FERRY3: variants seen among roughly 807,000 people sequenced by gnomAD.
FERRY3 encodes protein C12orf4.
chr12:4,525,592 C>T, the FERRY3 span: 3 of 1,578,634 alleles, frequency 1.9e-6, no homozygotes, highest in Non-Finnish European at 2.6e-6. Flanking sequence ...GTCTAAAACA[C>T]AAATAAACAA....
the FERRY3 span, among the ~76,000 whole-genome samples, chr12:4,516,349 G>T: frequency 6.6e-6 from 1 of 152,158 alleles, no homozygotes; most frequent in East Asian, 1.9e-4. Flanking sequence ...CAGAGTCCAA[G>T]CTTCTGAAGA....
At chr12:4,524,057 A>G in the FERRY3 span, among the ~76,000 whole-genome samples, 1 of 151,744 alleles carries the variant, frequency 6.6e-6, no homozygotes, top group Non-Finnish European at 1.5e-5. Flanking sequence ...AGAGTTTCTC[A>G]CTCTTGTTAC....
At chr12:4,517,722 G>T in the FERRY3 span, among the ~76,000 whole-genome samples, 11 of 149,056 alleles carry the variant, frequency 7.4e-5, no homozygotes, top group African/African-American at 2.7e-4. Flanking sequence ...GAGAGAGAGA[G>T]AGAGAGAGAG....
chr12:4,488,180 G>T, the FERRY3 span: 2 of 152,130 alleles, frequency 1.3e-5, no homozygotes, highest in African/African-American at 4.8e-5. The surrounding 1 kb of genome is among the most constrained non-coding windows in gnomAD (Gnocchi z 4.9). Flanking sequence ...CCTTTACACA[G>T]CCCTCAGTTA....
the FERRY3 span, among the ~76,000 whole-genome samples, chr12:4,507,487 C>T: frequency 6.2e-3 from 949 of 151,918 alleles, 11 homozygotes; most frequent in African/African-American, 0.022. Flanking sequence ...GCCAATACTA[C>T]GGAAAATTAT....
At chr12:4,508,124 T>C in the FERRY3 span, among the ~76,000 whole-genome samples, 4 of 152,212 alleles carry the variant, frequency 2.6e-5, no homozygotes, top group Non-Finnish European at 5.9e-5. Context: ...AAGTTATGAC[T>C]AGATAGCCAC....
the FERRY3 span, among the ~76,000 whole-genome samples, chr12:4,491,782 G>A: frequency 3.9e-5 from 6 of 152,142 alleles, no homozygotes; most frequent in East Asian, 1.9e-4. Context: ...TGATTAGCGC[G>A]TATGCCATTT....
At chr12:4,534,737 T>G in the FERRY3 span, among the ~76,000 whole-genome samples, 1 of 152,188 alleles carries the variant, frequency 6.6e-6, no homozygotes, top group African/African-American at 2.4e-5. Flanking sequence ...ATACTCTTAA[T>G]AGAATCTCCA....
chr12:4,493,111 C>G, the FERRY3 span, among the ~76,000 whole-genome samples: 1 of 152,124 alleles, frequency 6.6e-6, no homozygotes, highest in Non-Finnish European at 1.5e-5. Flanking sequence ...CTCCTCCATA[C>G]AGTATTTCCT....
chr12:4,502,892 A>C, the FERRY3 span, among the ~76,000 whole-genome samples: 10 of 152,240 alleles, frequency 6.6e-5, no homozygotes, highest in African/African-American at 2.4e-4. This position sits in a 1 kb window ranked among gnomAD's most constrained non-coding sequence, Gnocchi z 4.2. Context: ...AAACTGGATA[A>C]AGTGACAGTA....
chr12:4,503,961 A>G, the FERRY3 span, among the ~76,000 whole-genome samples: 1 of 152,248 alleles, frequency 6.6e-6, no homozygotes, highest in Non-Finnish European at 1.5e-5. Context: ...TTGTGGATCC[A>G]TGAAGAGAAA....
the FERRY3 span, among the ~76,000 whole-genome samples, chr12:4,533,890 TA>T: frequency 6.6e-6 from 1 of 152,232 alleles, no homozygotes; most frequent in African/African-American, 2.4e-5. Flanking sequence ...GGGTGTCCTA[TA>T]TTTTTAATTA....
the FERRY3 span, chr12:4,500,360 T>G: frequency 2.5e-5 from 40 of 1,599,474 alleles, no homozygotes; most frequent in African/African-American, 4.7e-4. Flanking sequence ...ATAAATACAA[T>G]CATGATTACC....
the FERRY3 span, among the ~76,000 whole-genome samples, chr12:4,495,603 G>A: frequency 6.6e-6 from 1 of 152,106 alleles, no homozygotes; most frequent in Non-Finnish European, 1.5e-5. Context: ...TTAAAATTAG[G>A]ATACTAATGG....
At chr12:4,525,613 T>G in the FERRY3 span, 5 of 1,491,910 alleles carry the variant, frequency 3.4e-6, no homozygotes, top group Non-Finnish European at 2.8e-6. Flanking sequence ...ATCAGGGATA[T>G]TCATCAAACT....
At chr12:4,530,927 T>C in the FERRY3 span, among the ~76,000 whole-genome samples, 2 of 152,062 alleles carry the variant, frequency 1.3e-5, no homozygotes, top group Non-Finnish European at 2.9e-5. Flanking sequence ...AAAACAAAGA[T>C]TTTGATGTTT....
At chr12:4,510,578 G>T in the FERRY3 span, among the ~76,000 whole-genome samples, 1 of 150,442 alleles carries the variant, frequency 6.6e-6, no homozygotes, top group Non-Finnish European at 1.5e-5. Flanking sequence ...AGAAGAGAGT[G>T]GGGGCCAATA....
the FERRY3 span, among the ~76,000 whole-genome samples, chr12:4,528,776 A>G: frequency 6.6e-5 from 10 of 152,030 alleles, no homozygotes; most frequent in African/African-American, 2.2e-4. Flanking sequence ...AACCATGACA[A>G]TGCTCCAAAG....
At chr12:4,520,923 A>G in the FERRY3 span, among the ~76,000 whole-genome samples, 2 of 152,218 alleles carry the variant, frequency 1.3e-5, no homozygotes, top group Non-Finnish European at 2.9e-5. Flanking sequence ...CAAAGGGGAA[A>G]AAAAAGGAAA....
Sources: gnomAD v4.1 joint callset for allele counts (sites outside exome capture counted in the v4.1 genomes callset) on GRCh38, gnomAD v4.1.1 for gene constraint, Gnocchi (gnomAD v3.1) non-coding constraint, MANE v1.5 for transcripts, NCBI Gene and HGNC (gene_info 2026-07-23, HGNC 2026-07-21) for gene names.